Variants in YWHAH observed in about 807,000 individuals in gnomAD.
YWHAH encodes 14-3-3 protein eta.
Under a neutral mutation model 22.9 loss-of-function variants are expected in YWHAH, and 6 were observed. The observed-to-expected ratio is 0.26, with a 90% CI of 0.14 to 0.52. The LOEUF (loss-of-function observed/expected upper bound fraction) is 0.52, where lower values mean the gene tolerates loss of function less well. Among genes scored for constraint, YWHAH ranks in the 20% least tolerant of loss-of-function variants. The pLI, the probability that YWHAH is intolerant of heterozygous loss-of-function variation, is 0.97. For synonymous variants in YWHAH, 135 were observed against 124.5 expected, an observed-to-expected ratio of 1.08 and a Z score of -0.56; for missense variants, 173 against 308.6, an observed-to-expected ratio of 0.56 and a Z score of 3.29.
intron 1 of YWHAH, among the ~76,000 whole-genome samples, chr22:31,954,191 G>A (rs1282565387): frequency 6.6e-6 from 1 of 152,152 alleles, no homozygotes; most frequent in Non-Finnish European, 1.5e-5. Context: ...TGGAGGTTCT[G>A]TCCTTACAGA....
intron 1 of YWHAH, among the ~76,000 whole-genome samples, chr22:31,953,397 G>A (rs1251598248): frequency 6.6e-6 from 1 of 152,182 alleles, no homozygotes; most frequent in African/African-American, 2.4e-5. Flanking sequence ...AGACTAAGTA[G>A]TTACTCATCT....
At chr22:31,948,667 A>C (rs2093838460) in intron 1 of YWHAH, among the ~76,000 whole-genome samples, 1 of 152,162 alleles carries the variant, frequency 6.6e-6, no homozygotes, top group Non-Finnish European at 1.5e-5. Flanking sequence ...GAGCTACCAC[A>C]CCCAACCAGT....
At chr22:31,954,036 G>A (rs1045117295) in intron 1 of YWHAH, among the ~76,000 whole-genome samples, 1 of 152,160 alleles carries the variant, frequency 6.6e-6, no homozygotes, top group African/African-American at 2.4e-5. Context: ...TGCTGCTTAT[G>A]TCCTTGAACC....
chr22:31,945,515 G>A lies in YWHAH; in HGVS notation c.87+695G>A, dbSNP rs140063523. 1,130 of 1,304,126 alleles carry A rather than the reference G, an allele frequency of 8.7e-4. 7 individuals carry two copies. The African/African-American group carries it at 0.016, about 18-fold the overall frequency. The allele number at this position is 1,304,126 out of a possible 1,614,324, so 80.8% of individuals were successfully genotyped here. ...TGACTTCTAGGTGAGACGAATCTGT[G>A]TGTCTTTGCATTCCTGAGACCCTCA... On this transcript the variant is annotated intron_variant, in intron 1 of 1. Transcript: ENST00000248975.
At chr22:31,955,341 T>C (rs2093848210) in intron 1 of YWHAH, among the ~76,000 whole-genome samples, 1 of 152,210 alleles carries the variant, frequency 6.6e-6, no homozygotes, top group African/African-American at 2.4e-5. Context: ...GTTGGTTCTT[T>C]CCAGAGTATA....
chr22:31,956,463 G>A lies in YWHAH; in HGVS notation c.412G>A (p.Ala138Thr). ...GDYYRYLAEV[A>T]SGEKKNSVVE... ...TTACTACCGCTACTTAGCAGAGGTC[G>A]CTTCTGGGGAGAAGAAAAACAGTGT... Residue 138 changes from alanine (A) to threonine (T), a missense_variant, in exon 2 of 2, where the codon GCT (alanine) becomes ACT (threonine). Physicochemically the swap from Ala to Thr is moderately conservative, Grantham distance 58. Transcript: ENST00000248975. The surrounding 1 kb of genome is among the most constrained non-coding windows in gnomAD (Gnocchi z 5.1). The A allele has an allele frequency of 3.1e-6, 5 of 1,614,186 alleles. No homozygotes were observed. The highest frequency in any genetic ancestry group is 1.7e-5 in the Admixed American group (1 of 60,024).
chr22:31,944,682 G>A lies in YWHAH; in HGVS notation c.-52G>A, dbSNP rs1255499360. ...CGGGGAGCGGACTGACCGGCGGGAG[G>A]GCTAGCGAGCCAGCGGTGTGAGGCG... On this transcript the variant is annotated 5_prime_UTR_variant, in exon 1 of 2. Coordinates refer to ENST00000248975, the MANE Select transcript of YWHAH (RefSeq NM_003405.4). 7.8e-6 allele frequency: 10 copies of A among 1,281,126 alleles called. No homozygotes were observed. The highest frequency in any genetic ancestry group is 3.6e-5 in the East Asian group (1 of 28,068). 79.4% of individuals were successfully genotyped at this position (1,281,126 alleles called of 1,614,324 possible).
At position 31,956,312 on chromosome 22, in the gene YWHAH, G is replaced by A. The variant is rs1267006631; in HGVS notation, c.261G>A (p.Glu87=). 1 of 1,614,076 alleles carries A rather than the reference G, an allele frequency of 6.2e-7. No individual in the cohort carries two copies. The highest frequency in any genetic ancestry group is 8.5e-7 in the Non-Finnish European group (1 of 1,180,050). The change falls in exon 2 of 2, where the codon GAG becomes GAA. Residue 87 remains glutamate (E), a synonymous_variant. Transcript: ENST00000248975. The surrounding 1 kb of genome is among the most constrained non-coding windows in gnomAD (Gnocchi z 5.1). The part of the protein sequence containing the change: ...KKLEKVKAYR[E]KIEKELETVC... ...TGGAGAAAGTTAAAGCTTACCGGGA[G>A]AAGATTGAGAAGGAGCTGGAGACAG...
chr22:31,949,501 T>C (rs553175807), intron 1 of YWHAH, among the ~76,000 whole-genome samples: 36 of 147,534 alleles, frequency 2.4e-4, no homozygotes, highest in African/African-American at 8.9e-4. Context: ...CCATGTGTAC[T>C]TTTTTTTTTG....
chr22:31,946,249 C>T (rs1283206479), intron 1 of YWHAH, among the ~76,000 whole-genome samples: 1 of 152,136 alleles, frequency 6.6e-6, no homozygotes, highest in East Asian at 1.9e-4. Context: ...GACCGGGGGA[C>T]GGTCTAGGTC....
At chr22:31,947,390 G>A (rs764195708) in intron 1 of YWHAH, 46 of 468,290 alleles carry the variant, frequency 9.8e-5, no homozygotes, top group Non-Finnish European at 1.7e-4. Flanking sequence ...CTTGTTTTCT[G>A]TTTCCTTCAT....
At chr22:31,949,532 C>G (rs983396706) in intron 1 of YWHAH, among the ~76,000 whole-genome samples, 12 of 150,710 alleles carry the variant, frequency 8.0e-5, no homozygotes, top group East Asian at 7.8e-4. Context: ...GAGTCATGCT[C>G]TGTCACCCAG....
chr22:31,949,136 C>CT (rs760273556), intron 1 of YWHAH, among the ~76,000 whole-genome samples: 1,757 of 98,996 alleles, frequency 0.018, 48 homozygotes, highest in African/African-American at 0.021. Context: ...ACATATTTTA[C>CT]TTTTTTTTTT....
At position 31,956,159 on chromosome 22, in the gene YWHAH, T is replaced by G; in HGVS notation, c.108T>G (p.Pro36=). The change falls in exon 2 of 2, where the codon CCT becomes CCG. Residue 36 remains proline (P), a synonymous_variant. Transcript: ENST00000248975. This position sits in a 1 kb window ranked among gnomAD's most constrained non-coding sequence, Gnocchi z 5.1. The part of the protein sequence containing the change: ...AMKAVTELNE[P]LSNEDRNLLS... ...TGCAGGTGACAGAGCTGAATGAACCTCTCTCCAATGAAGATCGAAATCTCC... is the reference window on the plus strand; with the variant it reads ...TGCAGGTGACAGAGCTGAATGAACCGCTCTCCAATGAAGATCGAAATCTCC... The G allele has an allele frequency of 6.2e-7, 1 of 1,608,356 alleles. No individual in the cohort carries two copies. The highest frequency in any genetic ancestry group is 8.5e-7 in the Non-Finnish European group (1 of 1,177,648).
chr22:31,944,640 G>T lies in YWHAH; in HGVS notation c.-94G>T, dbSNP rs1209291446. ...GGCGAGCCAGTGCGCGTGCGCGGCG[G>T]CGGCCTCCGCAGCGACCGGGGAGCG... On this transcript the variant is annotated 5_prime_UTR_variant, in exon 1 of 2. Coordinates refer to ENST00000248975, the MANE Select transcript of YWHAH (RefSeq NM_003405.4). 72 of 1,004,284 alleles carry T rather than the reference G, an allele frequency of 7.2e-5. No homozygotes were observed. The highest frequency in any genetic ancestry group is 8.2e-5 in the Non-Finnish European group (66 of 801,518). The allele number at this position is 1,004,284 out of a possible 1,614,324, so 62.2% of individuals were successfully genotyped here. A position where few individuals can be genotyped will look rare whatever the true frequency, so the allele number is the denominator to read the frequency against.
intron 1 of YWHAH, chr22:31,945,603 CG>C (rs2093833027): frequency 7.7e-7 from 1 of 1,302,388 alleles, no homozygotes; most frequent in African/African-American, 1.5e-5. Flanking sequence ...AGCAAAATAC[CG>C]TGGGTCACAC....
intron 1 of YWHAH, among the ~76,000 whole-genome samples, chr22:31,953,844 T>TAA (rs2093846411): frequency 7.1e-6 from 1 of 141,710 alleles, no homozygotes; most frequent in Non-Finnish European, 1.6e-5. Flanking sequence ...ACTTTGCCTG[T>TAA]GTTAAGGGTT....
chr22:31,955,534 C>G (rs2093848567), intron 1 of YWHAH, among the ~76,000 whole-genome samples: 1 of 151,256 alleles, frequency 6.6e-6, no homozygotes, highest in South Asian at 2.1e-4. Flanking sequence ...ACTGCAACCT[C>G]CGGGTTCAAG....
intron 1 of YWHAH, among the ~76,000 whole-genome samples, chr22:31,952,310 C>T (rs2093844334): frequency 6.6e-6 from 1 of 152,166 alleles, no homozygotes; most frequent in African/African-American, 2.4e-5. Context: ...CATTAGTTCT[C>T]CTGGCTCCTG....
Sources: allele counts gnomAD v4.1 joint callset (sites outside exome capture counted in the v4.1 genomes callset), GRCh38; gene constraint gnomAD v4.1.1; non-coding constraint Gnocchi (gnomAD v3.1); transcripts MANE v1.5; gene names NCBI Gene and HGNC (gene_info 2026-07-23, HGNC 2026-07-21).